Variants in LTBP1 observed in about 807,000 individuals in gnomAD.
The protein encoded by LTBP1 is latent transforming growth factor beta binding protein 1, also known as latent-transforming growth factor beta-binding protein 1.
Under a neutral mutation model 207.6 loss-of-function variants are expected in LTBP1, and 129 were observed. The ratio of observed to expected loss-of-function variants is 0.62; its 90% CI spans 0.54 to 0.72. LTBP1 has a LOEUF of 0.72. Ranked by LOEUF, LTBP1 falls within the 30% of genes least tolerant of loss-of-function variation. LTBP1 has a pLI of 0.00. For missense variants in LTBP1, 2,281 were observed against 2,217.2 expected (o/e 1.03, Z -0.58); for synonymous variants, 963 against 833.7 (o/e 1.16, Z -2.67).
intron 3 of LTBP1, among the ~76,000 whole-genome samples, chr2:33,092,170 C>T (rs1004116119): frequency 7.3e-5 from 11 of 151,564 alleles, no homozygotes; most frequent in African/African-American, 1.4e-4. Flanking sequence ...TGTGCGTGCA[C>T]GTGCGCATGC....
In LTBP1 at chr2:33,364,366, CA is replaced by C. The variant is rs1408784704; in HGVS notation, c.4540+11del. 1.9e-6 allele frequency: 3 copies of C among 1,608,214 alleles called. No individual in the cohort carries two copies. The highest frequency in any genetic ancestry group is 2.7e-5 in the African/African-American group (2 of 74,580). ...CCGGCTGAGTCAAACGGTATGTTTC[CA>C]GGAGATGCAAACCTGTGTCCAAATA... is the stretch of plus-strand genomic sequence containing the variant. On this transcript the variant is annotated intron_variant, in intron 30 of 33. Coordinates refer to ENST00000404816, the MANE Select transcript of LTBP1 (RefSeq NM_206943.4).
Position 33,130,264 on chromosome 2 carries a change from G to T in LTBP1, c.1034-4529G>T, listed in dbSNP as rs191852373. Among the ~76,000 whole-genome samples, 220 of 152,260 alleles carry T rather than the reference G, an allele frequency of 1.4e-3. 1 individual carries two copies. The highest frequency in any genetic ancestry group is 1.4e-3 in the Non-Finnish European group (94 of 68,030). On this transcript the variant is annotated intron_variant, in intron 4 of 33. Transcript: ENST00000404816. ...CAGCCTGTAGGTCTCTTTAAACCGG[G>T]TGGTGGCTTTAAACCACAGAGAGGT...
intron 15 of LTBP1, among the ~76,000 whole-genome samples, chr2:33,268,898 A>T (rs2093249957): frequency 6.6e-6 from 1 of 152,194 alleles, no homozygotes; most frequent in Non-Finnish European, 1.5e-5. Flanking sequence ...GCCTTGTGGA[A>T]ACCTCTGTAA....
At chr2:33,061,744 T>G (rs927805274) in intron 3 of LTBP1, among the ~76,000 whole-genome samples, 1 of 152,224 alleles carries the variant, frequency 6.6e-6, no homozygotes, top group African/African-American at 2.4e-5. Context: ...AGTTTGGGGC[T>G]ATTATAAATA....
intron 4 of LTBP1, among the ~76,000 whole-genome samples, chr2:33,130,144 C>G (rs193242998): frequency 6.8e-4 from 103 of 152,218 alleles, no homozygotes; most frequent in African/African-American, 2.4e-3. Flanking sequence ...AATTCTTGGC[C>G]TTCGGGTAAG....
At chr2:33,035,078 C>T (rs770610822) in intron 3 of LTBP1, among the ~76,000 whole-genome samples, 2 of 152,108 alleles carry the variant, frequency 1.3e-5, no homozygotes, top group East Asian at 1.9e-4. Context: ...ATGCCGTAGC[C>T]GACCCTTGGT....
At chr2:33,344,833 A>G (rs78523669) in intron 25 of LTBP1, among the ~76,000 whole-genome samples, 16 of 152,142 alleles carry the variant, frequency 1.1e-4, no homozygotes, top group African/African-American at 3.9e-4. Context: ...TTTAACTACC[A>G]ACTGTTTAAA....
intron 7 of LTBP1, among the ~76,000 whole-genome samples, chr2:33,189,746 C>G (rs1213817512): frequency 1.3e-5 from 2 of 152,138 alleles, no homozygotes; most frequent in East Asian, 3.9e-4. Context: ...AAAATTCAGG[C>G]CGGGTGCTGT....
chr2:32,947,892 G>A, intron 1 of LTBP1, 74 bp downstream of exon 1: 3 of 1,213,556 alleles, frequency 2.5e-6, no homozygotes, highest in Non-Finnish European at 3.1e-6. Context: ...CGGGGTCAGG[G>A]CCACTCGGAG....
chr2:33,286,358 T>G (rs1434322424), intron 19 of LTBP1, among the ~76,000 whole-genome samples: 1 of 152,226 alleles, frequency 6.6e-6, no homozygotes, highest in Non-Finnish European at 1.5e-5. Flanking sequence ...ACAGAAAACA[T>G]GGAGAACTCA....
intron 31 of LTBP1, 23 bp downstream of exon 31, chr2:33,365,526 C>T: frequency 1.2e-6 from 2 of 1,604,382 alleles, no homozygotes; most frequent in South Asian, 2.2e-5. Flanking sequence ...CCAATTCCTT[C>T]TGCAGGAGGC....
Position 33,215,702 on chromosome 2 carries a change from A to T in LTBP1, c.1702-1850A>T, listed in dbSNP as rs1368777904. On this transcript the variant is annotated intron_variant, in intron 7 of 33. Transcript: ENST00000404816. ...CCTGGGGTATGGATGCTAAACTTCC[A>T]TTGGTTTTCTTTTGTTTTTTGTTTT... Among the ~76,000 whole-genome samples the T allele has an allele frequency of 6.4e-5, 9 of 141,238 alleles. No homozygotes were observed. In the East Asian group the frequency reaches 1.4e-3, roughly 22 times the overall value. 92.7% of individuals were successfully genotyped at this position (141,238 alleles called of 152,430 possible).
chr2:32,947,657 C>T lies in LTBP1; in HGVS notation c.333C>T (p.Pro111=). 6.4e-6 allele frequency: 9 copies of T among 1,416,480 alleles called. No individual in the cohort carries two copies. Among genetic ancestry groups the T allele is most frequent in the South Asian group, 1.5e-5 (1 of 66,452 alleles). 87.7% of individuals were successfully genotyped at this position (1,416,480 alleles called of 1,614,324 possible). A position where few individuals can be genotyped will look rare whatever the true frequency, so the allele number is the denominator to read the frequency against. The change falls in exon 1 of 34, where the codon CCC becomes CCT. Residue 111 remains proline (P), a synonymous_variant. Transcript: ENST00000404816. ...CGCCGCCGCCGGAGCCTGCGCGTCC[C>T]GCGGTCCCCGGCGGGCAGCTCCACC... ...PPPPPPEPAR[P]AVPGGQLHPN... is the part of the protein sequence containing the mutation.
intron 4 of LTBP1, among the ~76,000 whole-genome samples, chr2:33,131,840 A>G (rs1289238788): frequency 6.6e-6 from 1 of 152,246 alleles, no homozygotes; most frequent in East Asian, 1.9e-4. Context: ...AAGCCAAAAG[A>G]AATTTTTTTT....
intron 2 of LTBP1, among the ~76,000 whole-genome samples, chr2:33,014,871 A>G (rs138702598): frequency 7.9e-5 from 12 of 152,284 alleles, no homozygotes; most frequent in Non-Finnish European, 1.3e-4. Context: ...CAGAAGACCA[A>G]CCTGGTAGCC....
intron 2 of LTBP1, among the ~76,000 whole-genome samples, chr2:32,979,885 A>G (rs532333945): frequency 4.6e-5 from 7 of 152,292 alleles, no homozygotes; most frequent in African/African-American, 1.7e-4. Context: ...ATATATGCTT[A>G]CAATCGTTAT....
chr2:33,145,075 T>G (rs2082914115), intron 5 of LTBP1, among the ~76,000 whole-genome samples: 1 of 152,182 alleles, frequency 6.6e-6, no homozygotes, highest in African/African-American at 2.4e-5. Context: ...CAGATGCCCT[T>G]CCATTGCCAA....
At chr2:33,010,104 A>C (rs1433822665) in intron 2 of LTBP1, among the ~76,000 whole-genome samples, 1 of 152,110 alleles carries the variant, frequency 6.6e-6, no homozygotes, top group Non-Finnish European at 1.5e-5. Context: ...CTCAGCAGCC[A>C]TGGGGGGACA....
At chr2:33,186,511 AT>A (rs1268213582) in intron 5 of LTBP1, among the ~76,000 whole-genome samples, 1 of 152,202 alleles carries the variant, frequency 6.6e-6, no homozygotes, top group Non-Finnish European at 1.5e-5. Context: ...TAATGAAATA[AT>A]TATGGATTGC....
Sources: gnomAD v4.1 joint callset for allele counts (sites outside exome capture counted in the v4.1 genomes callset) on GRCh38, gnomAD v4.1.1 for gene constraint, MANE v1.5 for transcripts, NCBI Gene and HGNC (gene_info 2026-07-23, HGNC 2026-07-21) for gene names.